Variants in TMEM154 observed in about 807,000 individuals in gnomAD.
TMEM154 encodes transmembrane protein 154.
In TMEM154, 27 loss-of-function variants were observed where a neutral mutation model predicts 24.5. That is an observed-to-expected ratio of 1.10 (90% CI 0.81 to 1.52). The LOEUF (loss-of-function observed/expected upper bound fraction) is 1.52, where lower values mean the gene tolerates loss of function less well. Ranked by LOEUF, TMEM154 falls within the 40% of genes most tolerant of loss-of-function variation. The probability of loss-of-function intolerance (pLI) is 0.00; values close to 1 mark genes in which losing one functional copy is unlikely to be tolerated. For synonymous variants in TMEM154, 67 were observed against 76.8 expected, an observed-to-expected ratio of 0.87 and a Z score of 0.67; for missense variants, 228 against 213.4, an observed-to-expected ratio of 1.07 and a Z score of -0.43.
chr4:152,643,783 C>T lies in TMEM154; in HGVS notation c.393-610G>A, dbSNP rs535170226. Among the ~76,000 whole-genome samples, 22 of 152,278 alleles carry T rather than the reference C, an allele frequency of 1.4e-4. No individual in the cohort carries two copies. In the East Asian group the frequency reaches 2.5e-3, roughly 17 times the overall value. On this transcript the variant is annotated intron_variant, in intron 4 of 6. Transcript: ENST00000304385. ...GATGGACCACCAGCTCTGAAAGCAG[C>T]GTAGGCGGTACACTGCGTAGAGGAA...
intron 3 of TMEM154, among the ~76,000 whole-genome samples, chr4:152,647,882 A>G (rs1728293832): frequency 6.6e-6 from 1 of 152,188 alleles, no homozygotes. Context: ...TTAATCAGAG[A>G]GTCACGGTGC....
Position 152,649,622 on chromosome 4 carries a change from C to A in TMEM154, c.364+2916G>T, listed in dbSNP as rs1300253297. 2.6e-5 allele frequency among the ~76,000 whole-genome samples: 4 copies of A among 152,316 alleles called. No individual in the cohort carries two copies. In the East Asian group the frequency reaches 5.8e-4, roughly 22 times the overall value. On this transcript the variant is annotated intron_variant, in intron 3 of 6. Transcript: ENST00000304385. Reference sequence around the variant, plus strand: ...TAACAGAAATATAGATGAAAGAATGCTCTTCTGGTGGTGATGACCCCAAGG... The same window carrying A: ...TAACAGAAATATAGATGAAAGAATGATCTTCTGGTGGTGATGACCCCAAGG...
chr4:152,676,293 G>A (rs1728951466), intron 1 of TMEM154, among the ~76,000 whole-genome samples: 1 of 152,278 alleles, frequency 6.6e-6, no homozygotes, highest in African/African-American at 2.4e-5. Flanking sequence ...GCCTAGCCAA[G>A]AGTTCTGTGC....
In TMEM154 at chr4:152,652,596, A is replaced by G; in HGVS notation, c.326-20T>C. ...AAGGTTCTGTATCAAAGCAAAGAAT[A>G]TTTTGTTTTATTGATTGTTCACTAA... is the stretch of plus-strand genomic sequence containing the variant. On this transcript the variant is annotated intron_variant, in intron 2 of 6. Coordinates refer to ENST00000304385, the MANE Select transcript of TMEM154 (RefSeq NM_152680.3). 1 of 1,613,946 alleles carries G rather than the reference A, an allele frequency of 6.2e-7. No homozygotes were observed. Among genetic ancestry groups the G allele is most frequent in the Non-Finnish European group, 8.5e-7 (1 of 1,179,938 alleles).
chr4:152,628,590 A>AC (rs1561042636), intron 6 of TMEM154, 29 bp from the exon 7 acceptor site: 2 of 782,428 alleles, frequency 2.6e-6, no homozygotes, highest in Non-Finnish European at 3.2e-6. Context: ...AAAAAAAAAA[A>AC]AACAAAAAAA....
At chr4:152,631,681 T>C (rs541289446) in intron 6 of TMEM154, among the ~76,000 whole-genome samples, 16 of 151,692 alleles carry the variant, frequency 1.1e-4, no homozygotes, top group African/African-American at 3.9e-4. Context: ...TCCACACACC[T>C]CAGCCTCTCA....
At position 152,627,792 on chromosome 4, in the gene TMEM154, A is replaced by G. The variant is rs766760915; in HGVS notation, c.*754T>C. ...GGTGAAACAAGTGTGAGCTTTGCAGAAATGCTGACAAGCAAGGGAATTTCA... is the reference window on the plus strand; with the variant it reads ...GGTGAAACAAGTGTGAGCTTTGCAGGAATGCTGACAAGCAAGGGAATTTCA... On this transcript the variant is annotated 3_prime_UTR_variant, in exon 7 of 7. Coordinates refer to ENST00000304385, the MANE Select transcript of TMEM154 (RefSeq NM_152680.3). 6.6e-6 allele frequency: 1 copy of G among 152,272 alleles called. No individual in the cohort carries two copies. The highest frequency in any genetic ancestry group is 1.5e-5 in the Non-Finnish European group (1 of 68,066). 9.4% of individuals were successfully genotyped at this position (152,272 alleles called of 1,614,324 possible). A position where few individuals can be genotyped will look rare whatever the true frequency, so the allele number is the denominator to read the frequency against.
At chr4:152,675,851 A>G (rs757610588) in intron 1 of TMEM154, among the ~76,000 whole-genome samples, 2 of 152,222 alleles carry the variant, frequency 1.3e-5, no homozygotes, top group Non-Finnish European at 2.9e-5. Flanking sequence ...GCTTCATTAC[A>G]GAATTGAGCC....
chr4:152,640,981 G>T lies in TMEM154; in HGVS notation c.483C>A (p.Asp161Glu). ...KWMNSMNRNA[D>E]FECLPTLKEE... ...CCTTCAAGGTAGGTAAACATTCAAA[G>T]TCGGCTAGGACAGAATAAAAGCAAA... The change falls in exon 6 of 7, where the codon GAC (aspartate) becomes GAA (glutamate). Residue 161 changes from aspartate (D) to glutamate (E), a missense_variant. Asp to Glu is a conservative substitution (Grantham distance 45). Transcript: ENST00000304385. The T allele has an allele frequency of 1.2e-6, 2 of 1,606,830 alleles. No homozygotes were observed. Among genetic ancestry groups the T allele is most frequent in the Non-Finnish European group, 1.7e-6 (2 of 1,176,636 alleles).
At chr4:152,641,133 G>C in intron 5 of TMEM154, 148 bp from the exon 6 acceptor site, 1 of 595,318 alleles carries the variant, frequency 1.7e-6, no homozygotes, top group Non-Finnish European at 2.8e-6. Context: ...GTGATGAAAA[G>C]ATTAATGATG....
chr4:152,644,616 G>A (rs551225669), intron 3 of TMEM154, among the ~76,000 whole-genome samples, 174 bp from the exon 4 acceptor site: 10 of 152,154 alleles, frequency 6.6e-5, no homozygotes, highest in Non-Finnish European at 1.5e-4. Flanking sequence ...ATATTAAAAC[G>A]AGGTCCTAAT....
intron 6 of TMEM154, 49 bp from the exon 7 acceptor site, chr4:152,628,610 CA>C: frequency 8.4e-7 from 1 of 1,186,990 alleles, no homozygotes; most frequent in Non-Finnish European, 1.1e-6. Context: ...AACACACACA[CA>C]CACACAAAAC....
rs70949603 is a variant in TMEM154 at position 152,625,683 on chromosome 4, CAA to C, written c.*2861_*2862del. 2.1e-4 allele frequency: 16 copies of C among 75,940 alleles called. No homozygotes were observed. The highest frequency in any genetic ancestry group is 1.5e-4 in the Admixed American group (1 of 6,472). 4.7% of individuals were successfully genotyped at this position (75,940 alleles called of 1,614,324 possible). On this transcript the variant is annotated 3_prime_UTR_variant, in exon 7 of 7. Transcript: ENST00000304385. ...TGGGTGACAGAGTGAGACTCCATCT[CAA>C]AAAAAAAAAAAAAAAGTCAGGTGAG...
intron 4 of TMEM154, among the ~76,000 whole-genome samples, chr4:152,644,135 A>G (rs1261553730): frequency 2.0e-5 from 3 of 152,232 alleles, no homozygotes; most frequent in Non-Finnish European, 4.4e-5. Context: ...TTTAACTGCT[A>G]TGCACTTGAA....
intron 1 of TMEM154, 120 bp from the exon 2 acceptor site, chr4:152,653,047 G>T: frequency 9.8e-7 from 1 of 1,025,598 alleles, no homozygotes; most frequent in Non-Finnish European, 1.4e-6. Context: ...ACTATACTTG[G>T]CCTCCAAGCT....
intron 4 of TMEM154, 44 bp downstream of exon 4, chr4:152,644,371 C>T (rs948482133): frequency 2.5e-5 from 41 of 1,608,960 alleles, no homozygotes; most frequent in Non-Finnish European, 3.3e-5. Flanking sequence ...TTAACAGTTG[C>T]TGTTCACACC....
chr4:152,646,044 A>C (rs1296248510), intron 3 of TMEM154, among the ~76,000 whole-genome samples: 1 of 152,044 alleles, frequency 6.6e-6, no homozygotes, highest in Non-Finnish European at 1.5e-5. Flanking sequence ...ATTTTAATAT[A>C]AATAAAGCTC....
At chr4:152,679,243 A>G (rs754957313) in intron 1 of TMEM154, among the ~76,000 whole-genome samples, 1 of 149,294 alleles carries the variant, frequency 6.7e-6, no homozygotes, top group Non-Finnish European at 1.5e-5. Context: ...ATTAGTAACA[A>G]TCAATGCAAA....
chr4:152,669,232 G>T (rs752680600), intron 1 of TMEM154: 3 of 151,806 alleles, frequency 2.0e-5, no homozygotes, highest in Non-Finnish European at 4.4e-5. Context: ...TATTTGAATG[G>T]TTGATCTAGG....
Sources: allele counts gnomAD v4.1 joint callset (sites outside exome capture counted in the v4.1 genomes callset), GRCh38; gene constraint gnomAD v4.1.1; transcripts MANE v1.5; gene names NCBI Gene and HGNC (gene_info 2026-07-23, HGNC 2026-07-21).